Variants in CPAMD8 observed in about 807,000 individuals in gnomAD.
CPAMD8 encodes the protein C3 and PZP-like alpha-2-macroglobulin domain-containing protein 8.
In CPAMD8, 146 loss-of-function variants were observed where a neutral mutation model predicts 224.7. The observed-to-expected ratio is 0.65, with a 90% CI of 0.57 to 0.75. The LOEUF is 0.75. CPAMD8 is among the 30% of genes least tolerant of loss of function. CPAMD8 has a pLI of 0.00. For missense variants in CPAMD8, 2,301 were observed against 2,537.5 expected (o/e 0.91, Z 2.00); for synonymous variants, 966 against 1,044.6 (o/e 0.92, Z 1.45).
intron 21 of CPAMD8, among the ~76,000 whole-genome samples, chr19:16,946,160 A>ATGTGTGTGTGTATGATT (rs1568510314): frequency 7.9e-6 from 1 of 126,214 alleles, no homozygotes; most frequent in African/African-American, 3.7e-5. Flanking sequence ...ACATGTGGGC[A>ATGTGTGTGTGTATGATT]TGTGTGTGTG....
intron 18 of CPAMD8, among the ~76,000 whole-genome samples, chr19:16,969,252 T>G (rs2054964322): frequency 6.6e-6 from 1 of 152,278 alleles, no homozygotes; most frequent in East Asian, 1.9e-4. Flanking sequence ...AGGAGGTATA[T>G]GAAGCAATCA....
chr19:16,976,553 AC>A (rs1360254601), intron 15 of CPAMD8, among the ~76,000 whole-genome samples: 1 of 151,734 alleles, frequency 6.6e-6, no homozygotes, highest in Non-Finnish European at 1.5e-5. Context: ...CCACCCATGC[AC>A]CCCCTGCCCA....
Position 16,896,651 on chromosome 19 carries a change from C to A in CPAMD8, c.5080G>T (p.Glu1694Ter). The A allele has an allele frequency of 1.4e-6, 2 of 1,468,002 alleles. No individual in the cohort carries two copies. The highest frequency in any genetic ancestry group is 2.3e-5 in the Admixed American group (1 of 42,726). The allele number at this position is 1,468,002 out of a possible 1,614,324, so 90.9% of individuals were successfully genotyped here. A position where few individuals can be genotyped will look rare whatever the true frequency, so the allele number is the denominator to read the frequency against. ...TCAGGGGCCACGGCAGGGCCCGACT[C>A]GCCGGGGAACCAGCCTGGGGGACGA... ...PARGPGWFPG[E>*]SGPAVAPEEG... is the part of the protein sequence containing the mutation. Residue 1694 changes from glutamate to a stop codon, truncating the protein, a stop_gained, in exon 40 of 42, where the codon GAG becomes TAG. Coordinates refer to ENST00000443236, the MANE Select transcript of CPAMD8 (RefSeq NM_015692.5). LOFTEE classifies it high-confidence loss of function.
At chr19:17,000,208 C>T (rs541963948) in intron 10 of CPAMD8, 2 of 440,308 alleles carry the variant, frequency 4.5e-6, no homozygotes, top group African/African-American at 2.0e-5. Flanking sequence ...CATCCCAGCA[C>T]TTTTGGGGGC....
At chr19:16,977,798 G>A (rs117966744) in intron 14 of CPAMD8, among the ~76,000 whole-genome samples, 1,821 of 152,122 alleles carry the variant, frequency 0.012, 16 homozygotes, top group Non-Finnish European at 0.021. Context: ...CCTCTCTGCC[G>A]GGGAACATGG....
chr19:16,896,290 C>G lies in CPAMD8; in HGVS notation c.5312G>C (p.Gly1771Ala), dbSNP rs2051983027. The stretch of plus-strand genomic sequence containing the variant: ...CGGGGCCACAGAAGCCAGGTCATCC[C>G]CGTAGGTGGAGGACGACGAGGCCGG... ...RLPASSSSTY[G>A]DDLASVAPGP... Residue 1771 changes from glycine to alanine, a missense_variant, in exon 41 of 42, where the codon GGG becomes GCG. Coordinates refer to ENST00000443236, the MANE Select transcript of CPAMD8 (RefSeq NM_015692.5). 2 of 1,612,656 alleles carry G rather than the reference C, an allele frequency of 1.2e-6. No individual in the cohort carries two copies. The highest frequency in any genetic ancestry group is 1.7e-6 in the Non-Finnish European group (2 of 1,179,718).
rs773854 is a variant in CPAMD8 at position 16,909,439 on chromosome 19, G to A, written c.3862-2322C>T. On this transcript the variant is annotated intron_variant, in intron 29 of 41. Coordinates refer to ENST00000443236, the MANE Select transcript of CPAMD8 (RefSeq NM_015692.5). ...AGCGCCTGTAGATCCAGCTACTCAG[G>A]AGGCTGAGGTGGAAGAATGGCATGA... Among the ~76,000 whole-genome samples, 7 of 152,224 alleles carry A rather than the reference G, an allele frequency of 4.6e-5. No individual in the cohort carries two copies. The East Asian group carries it at 5.8e-4, about 13-fold the overall frequency.
intron 1 of CPAMD8, 67 bp downstream of exon 1, chr19:17,026,484 T>A (rs935203269): frequency 1.4e-5 from 20 of 1,426,742 alleles, no homozygotes; most frequent in African/African-American, 3.0e-5. Context: ...TGCAACACTC[T>A]GAGCCAGTAC....
At chr19:17,024,776 C>T (rs1409868782) in intron 1 of CPAMD8, among the ~76,000 whole-genome samples, 1 of 152,192 alleles carries the variant, frequency 6.6e-6, no homozygotes, top group Non-Finnish European at 1.5e-5. Context: ...CTGCTGGTCT[C>T]AGAAGGTCCC....
intron 29 of CPAMD8, among the ~76,000 whole-genome samples, chr19:16,913,843 G>A (rs112967604): frequency 0.011 from 1,700 of 152,252 alleles, 23 homozygotes; most frequent in African/African-American, 0.037. Flanking sequence ...TAGAATTGAT[G>A]TAGGTATTAG....
chr19:17,025,411 TCAAAA>T (rs1352212037), intron 1 of CPAMD8, among the ~76,000 whole-genome samples: 7 of 151,882 alleles, frequency 4.6e-5, no homozygotes. Flanking sequence ...AAACTCCATC[TCAAAA>T]CAAAAACAAA....
intron 10 of CPAMD8, chr19:17,000,188 TCA>T: frequency 2.3e-6 from 1 of 427,716 alleles, no homozygotes; most frequent in Non-Finnish European, 4.1e-6. Flanking sequence ...CAGCGGTGGC[TCA>T]CACTTGTCAT....
At chr19:16,959,279 T>G (rs571857032) in intron 18 of CPAMD8, among the ~76,000 whole-genome samples, 1 of 151,886 alleles carries the variant, frequency 6.6e-6, no homozygotes, top group East Asian at 1.9e-4. Flanking sequence ...GTTCAAGTGA[T>G]TCTCATGCCT....
rs11882240 is a variant in CPAMD8 at position 17,017,907 on chromosome 19, C to T, written c.267+2424G>A. 6.0e-3 allele frequency among the ~76,000 whole-genome samples: 908 copies of T among 152,138 alleles called. 11 individuals carry two copies. Among genetic ancestry groups the T allele is most frequent in the African/African-American group, 0.02 (841 of 41,492 alleles). The stretch of plus-strand genomic sequence containing the variant: ...AATTAGCTGGGCACGGTGGTGCACA[C>T]CTGTAATCCCAGCTACTGGGGAGGC... On this transcript the variant is annotated intron_variant, in intron 3 of 41. Transcript: ENST00000443236.
At chr19:16,995,816 A>C (rs1599869641) in intron 11 of CPAMD8, among the ~76,000 whole-genome samples, 1 of 151,998 alleles carries the variant, frequency 6.6e-6, no homozygotes, top group Non-Finnish European at 1.5e-5. Context: ...GGAGTTCAAG[A>C]CCAGTCTGGC....
chr19:16,917,895 C>A (rs1302437963), intron 27 of CPAMD8, among the ~76,000 whole-genome samples: 1 of 152,158 alleles, frequency 6.6e-6, no homozygotes, highest in Non-Finnish European at 1.5e-5. Flanking sequence ...GGACTGGTTC[C>A]AGGACCCCCA....
chr19:16,997,469 C>A (rs1362320269), intron 10 of CPAMD8, 131 bp from the exon 11 acceptor site: 3 of 662,422 alleles, frequency 4.5e-6, no homozygotes, highest in Non-Finnish European at 8.4e-6. Flanking sequence ...TGGTGGCATA[C>A]CCAATCTATG....
At chr19:16,925,075 G>C in intron 26 of CPAMD8, 121 bp downstream of exon 26, 1 of 1,034,130 alleles carries the variant, frequency 9.7e-7, no homozygotes, top group Non-Finnish European at 1.5e-6. Flanking sequence ...GGCCTCTTTT[G>C]CCCACTTCCT....
At chr19:16,954,792 G>A (rs2054411396) in intron 19 of CPAMD8, among the ~76,000 whole-genome samples, 1 of 151,932 alleles carries the variant, frequency 6.6e-6, no homozygotes, top group Non-Finnish European at 1.5e-5. Flanking sequence ...AGATCATCCT[G>A]GTCAACATGG....
Sources: allele counts gnomAD v4.1 joint callset (sites outside exome capture counted in the v4.1 genomes callset), GRCh38; gene constraint gnomAD v4.1.1; transcripts MANE v1.5; gene names NCBI Gene and HGNC (gene_info 2026-07-23, HGNC 2026-07-21).